Variants in STAG1 observed in about 807,000 individuals in gnomAD.
STAG1 encodes STAG1 cohesin complex component.
Under a neutral mutation model 170.9 loss-of-function variants are expected in STAG1, and 26 were observed. The observed-to-expected ratio is 0.15, with a 90% CI of 0.11 to 0.21. The LOEUF (loss-of-function observed/expected upper bound fraction) is 0.21, where lower values mean the gene tolerates loss of function less well. Ranked by LOEUF, STAG1 falls within the 10% of genes least tolerant of loss-of-function variation. STAG1 has a pLI of 1.00. For synonymous variants in STAG1, 514 were observed against 497.7 expected (o/e 1.03, Z -0.44); for missense variants, 964 against 1,509.5 (o/e 0.64, Z 5.99).
intron 22 of STAG1, among the ~76,000 whole-genome samples, chr3:136,379,214 T>C (rs1446294268): frequency 1.3e-5 from 2 of 152,124 alleles, no homozygotes; most frequent in Non-Finnish European, 2.9e-5. Flanking sequence ...GGGAAACAGA[T>C]AAGAGAACAG....
At chr3:136,732,076 T>C (rs575402440) in intron 1 of STAG1, among the ~76,000 whole-genome samples, 1 of 152,158 alleles carries the variant, frequency 6.6e-6, no homozygotes, top group Admixed American at 6.5e-5. Flanking sequence ...GACACTAATT[T>C]TAGAGATGAA....
intron 22 of STAG1, among the ~76,000 whole-genome samples, chr3:136,385,080 C>T (rs1274648751): frequency 2.0e-5 from 3 of 152,130 alleles, no homozygotes; most frequent in Non-Finnish European, 4.4e-5. Context: ...TATATTGATG[C>T]TTCCTTTCAA....
chr3:136,688,486 G>A (rs552638036), intron 1 of STAG1, among the ~76,000 whole-genome samples: 4 of 152,022 alleles, frequency 2.6e-5, no homozygotes, highest in African/African-American at 7.2e-5. Flanking sequence ...TAAAACCTCC[G>A]CCTCAAGCAA....
At chr3:136,489,277 G>A (rs1341569818) in intron 9 of STAG1, among the ~76,000 whole-genome samples, 3 of 152,038 alleles carry the variant, frequency 2.0e-5, no homozygotes, top group Non-Finnish European at 4.4e-5. Context: ...CCTTTAATAT[G>A]GTATCTGGAC....
In STAG1 at chr3:136,359,307, G is replaced by A. The variant is rs747354121; in HGVS notation, c.2788-11C>T. ...AAGTTCATTAAATAACTGATAGAAA[G>A]AAAAAAAGAAGAAAAAACCTATAGC... On this transcript the variant is annotated splice_polypyrimidine_tract_variant and intron_variant, in intron 26 of 33. Coordinates refer to ENST00000383202, the MANE Select transcript of STAG1 (RefSeq NM_005862.3). The A allele has an allele frequency of 3.9e-6, 6 of 1,536,622 alleles. No individual in the cohort carries two copies. Among genetic ancestry groups the A allele is most frequent in the African/African-American group, 1.4e-5 (1 of 71,744 alleles).
intron 9 of STAG1, among the ~76,000 whole-genome samples, chr3:136,488,396 T>G (rs570014072): frequency 5.7e-4 from 87 of 152,236 alleles, no homozygotes; most frequent in Non-Finnish European, 1.2e-3. Flanking sequence ...GGGCTGGGGT[T>G]ACAGGCGTGA....
intron 13 of STAG1, among the ~76,000 whole-genome samples, chr3:136,453,252 A>G (rs1317624453): frequency 6.6e-6 from 1 of 152,160 alleles, no homozygotes; most frequent in African/African-American, 2.4e-5. Context: ...AAAAAAAAAG[A>G]TTTGAAATTT....
intron 7 of STAG1, among the ~76,000 whole-genome samples, chr3:136,508,253 T>G (rs1037003575): frequency 1.3e-5 from 2 of 152,180 alleles, no homozygotes; most frequent in Non-Finnish European, 2.9e-5. Context: ...TTTGTAGATA[T>G]TTTGTATGGT....
intron 4 of STAG1, among the ~76,000 whole-genome samples, chr3:136,580,866 A>G (rs939201929): frequency 5.9e-5 from 9 of 152,052 alleles, no homozygotes; most frequent in Non-Finnish European, 5.9e-5. Context: ...GTTTTTCACC[A>G]AATTTTTTTC....
intron 7 of STAG1, among the ~76,000 whole-genome samples, chr3:136,516,743 T>C (rs368673642): frequency 2.0e-5 from 3 of 152,186 alleles, no homozygotes; most frequent in Non-Finnish European, 4.4e-5. Context: ...AATAGAATAA[T>C]AGCTGCAGCT....
intron 16 of STAG1, 79 bp downstream of exon 16, chr3:136,433,477 T>G: frequency 2.1e-6 from 2 of 964,856 alleles, no homozygotes; most frequent in East Asian, 2.5e-5. Flanking sequence ...GATACAAATA[T>G]CAGTAAAATT....
At chr3:136,451,290 A>C (rs758964514) in intron 14 of STAG1, among the ~76,000 whole-genome samples, 31 of 152,212 alleles carry the variant, frequency 2.0e-4, no homozygotes, top group Non-Finnish European at 3.1e-4. Context: ...TAGCACATGG[A>C]AATATTGCTA....
At chr3:136,348,863 A>T (rs1936332459) in intron 29 of STAG1, 1 of 340,804 alleles carries the variant, frequency 2.9e-6, no homozygotes, top group Non-Finnish European at 5.4e-6. Context: ...ATCTTACTTT[A>T]TATTTTAATG....
At chr3:136,498,210 T>TTATATATATATATATATATATATATATA (rs374645920) in intron 9 of STAG1, among the ~76,000 whole-genome samples, 8 of 50,824 alleles carry the variant, frequency 1.6e-4, no homozygotes, top group Non-Finnish European at 2.1e-4. Context: ...AAAAAAAAAA[T>TTATATATATATATATATATATATATATA]TATATATATA....
chr3:136,716,475 A>G (rs993863761), intron 1 of STAG1, among the ~76,000 whole-genome samples: 1 of 152,124 alleles, frequency 6.6e-6, no homozygotes, highest in African/African-American at 2.4e-5. Context: ...AAAAGAAAAA[A>G]AAAGAAAAAA....
intron 9 of STAG1, among the ~76,000 whole-genome samples, chr3:136,498,447 T>C (rs943966282): frequency 1.4e-5 from 2 of 147,548 alleles, no homozygotes; most frequent in African/African-American, 2.5e-5. Flanking sequence ...TTCTAGAAAA[T>C]GTAAATAATC....
At position 136,596,658 on chromosome 3, in the gene STAG1, T is replaced by C. The variant is rs191219330; in HGVS notation, c.297+7651A>G. Among the ~76,000 whole-genome samples the C allele has an allele frequency of 5.7e-3, 874 of 152,342 alleles. 2 individuals carry two copies. Among genetic ancestry groups the C allele is most frequent in the Non-Finnish European group, 9.1e-3 (617 of 68,038 alleles). On this transcript the variant is annotated intron_variant, in intron 4 of 33. Transcript: ENST00000383202. ...ACCTTAAGTATATTTTCACACTTTA[T>C]AAGTACTGTAGCATCATGTGTTATG...
intron 13 of STAG1, among the ~76,000 whole-genome samples, chr3:136,455,763 A>G (rs1429618187): frequency 6.6e-6 from 1 of 152,244 alleles, no homozygotes; most frequent in Admixed American, 6.5e-5. Context: ...GTGACTGTAT[A>G]AAGTCTTTCC....
chr3:136,696,210 C>G (rs1190021707), intron 1 of STAG1, among the ~76,000 whole-genome samples: 2 of 152,076 alleles, frequency 1.3e-5, no homozygotes, highest in Non-Finnish European at 2.9e-5. Flanking sequence ...GCCTTAGAGT[C>G]AAGGCAGGTG....
Sources: allele counts gnomAD v4.1 joint callset (sites outside exome capture counted in the v4.1 genomes callset), GRCh38; gene constraint gnomAD v4.1.1; transcripts MANE v1.5; gene names NCBI Gene and HGNC (gene_info 2026-07-23, HGNC 2026-07-21).